The following NDUFAF6 variants were observed in gnomAD, a reference collection of about 807,000 sequenced individuals.
The protein encoded by NDUFAF6 is NADH dehydrogenase (ubiquinone) complex I, assembly factor 6.
A neutral mutation model predicts 40.8 loss-of-function variants in NDUFAF6; 45 were observed. The ratio of observed to expected loss-of-function variants is 1.10; its 90% CI spans 0.87 to 1.42. The LOEUF is 1.42. Among genes scored for constraint, NDUFAF6 ranks in the 40% most tolerant of loss-of-function variants. The pLI is 0.00. For missense variants in NDUFAF6, 435 were observed against 418.5 expected (o/e 1.04, Z -0.34); for synonymous variants, 185 against 155.9 (o/e 1.19, Z -1.39).
At chr8:94,947,180 T>C (rs940467194) in intron 2 of NDUFAF6, among the ~76,000 whole-genome samples, 1 of 152,012 alleles carries the variant, frequency 6.6e-6, no homozygotes, top group Non-Finnish European at 1.5e-5. Flanking sequence ...GTTTTCCCTA[T>C]ACATGCTCTT....
intron 2 of NDUFAF6, among the ~76,000 whole-genome samples, chr8:95,015,488 T>G (rs1030172903): frequency 5.3e-5 from 8 of 152,190 alleles, no homozygotes. Flanking sequence ...GAACAATACC[T>G]AATAGTCCTA....
upstream of NDUFAF6, among the ~76,000 whole-genome samples, chr8:95,099,006 C>T (rs1002991907): frequency 7.9e-5 from 12 of 151,764 alleles, no homozygotes; most frequent in Non-Finnish European, 1.6e-4. Flanking sequence ...TTTGGGAGGC[C>T]GAGGCAGGCA....
intron 2 of NDUFAF6, among the ~76,000 whole-genome samples, chr8:94,995,429 C>A (rs1360890022): frequency 6.6e-6 from 1 of 152,100 alleles, no homozygotes; most frequent in East Asian, 1.9e-4. Flanking sequence ...GAATTATACA[C>A]TTCAAAATGG....
At chr8:95,087,241 C>G (rs1298244937) in intron 2 of NDUFAF6, among the ~76,000 whole-genome samples, 2 of 152,308 alleles carry the variant, frequency 1.3e-5, no homozygotes, top group Middle Eastern at 3.4e-3. Context: ...CTTGCATCTT[C>G]CGTTTTCTCT....
chr8:94,950,296 A>G lies in NDUFAF6; in HGVS notation c.-799+4677A>G, dbSNP rs901041147. 22 of 152,274 alleles carry G rather than the reference A, an allele frequency of 1.4e-4. 1 individual carries two copies. The highest frequency in any genetic ancestry group is 2.4e-5 in the African/African-American group (1 of 41,472). 9.4% of individuals were successfully genotyped at this position (152,274 alleles called of 1,614,324 possible). The stretch of plus-strand genomic sequence containing the variant: ...ACAAGAGAGTGAGACAGTGGGCTTG[A>G]AAGTGTTTTCCAGACCAAGGCTCTG... On this transcript the variant is annotated intron_variant, in intron 2 of 14. Transcript: ENST00000396113.
chr8:95,061,746 A>G (rs1402983899), downstream of NDUFAF6, among the ~76,000 whole-genome samples: 1 of 152,202 alleles, frequency 6.6e-6, no homozygotes, highest in African/African-American at 2.4e-5. Flanking sequence ...TTCAGCAAAA[A>G]GGAATATTTG....
rs934327795 is a variant in NDUFAF6, at chr8:95,016,817, C to G, written c.-83-15178C>G. On this transcript the variant is annotated intron_variant, in intron 2 of 9. Coordinates refer to the NDUFAF6 transcript ENST00000396111. ...AATCAATCAGAGTCCCAACAGGAGA[C>G]AGAAGAAAATAATTTGGGGTGCTTT... Among the ~76,000 whole-genome samples the G allele has an allele frequency of 4.6e-5, 7 of 152,164 alleles. No homozygotes were observed. In the East Asian group the frequency reaches 1.4e-3, roughly 29 times the overall value.
chr8:95,096,407 G>T (rs1173518896), upstream of NDUFAF6, among the ~76,000 whole-genome samples: 4 of 152,232 alleles, frequency 2.6e-5, no homozygotes, highest in African/African-American at 9.6e-5. Context: ...GACTCCACAA[G>T]TCCAGATCTG....
chr8:95,026,058 A>C (rs1271090457), intron 1 of NDUFAF6, among the ~76,000 whole-genome samples: 1 of 152,074 alleles, frequency 6.6e-6, no homozygotes, highest in Non-Finnish European at 1.5e-5. Context: ...GAATGACTAA[A>C]CTACCTTGAA....
intron 1 of NDUFAF6, among the ~76,000 whole-genome samples, chr8:94,979,085 C>G (rs953663988): frequency 6.6e-6 from 1 of 152,232 alleles, no homozygotes; most frequent in Admixed American, 6.5e-5. Flanking sequence ...CCTGTTTAAG[C>G]TCCCAGGTGA....
chr8:94,924,154 G>A (rs909044667), intron 1 of NDUFAF6, among the ~76,000 whole-genome samples: 1 of 151,934 alleles, frequency 6.6e-6, no homozygotes, highest in African/African-American at 2.4e-5. Flanking sequence ...TCCGCCTCCC[G>A]GGTTCAAGCG....
chr8:95,054,267 G>A (rs1412182530), intron 8 of NDUFAF6, among the ~76,000 whole-genome samples: 1 of 150,340 alleles, frequency 6.7e-6, no homozygotes, highest in Non-Finnish European at 1.5e-5. Context: ...TTAATTGTGA[G>A]GTGTGGCTAG....
At chr8:94,954,304 G>A (rs932900636), upstream of NDUFAF6, among the ~76,000 whole-genome samples, 2 of 151,690 alleles carry the variant, frequency 1.3e-5, no homozygotes, top group African/African-American at 4.8e-5. Context: ...CTCATGATCC[G>A]CCCGCCTCAG....
chr8:94,933,268 T>C (rs1820607784), intron 1 of NDUFAF6, among the ~76,000 whole-genome samples: 1 of 152,182 alleles, frequency 6.6e-6, no homozygotes, highest in Admixed American at 6.5e-5. Context: ...TATGGAAAAG[T>C]ATGTATTTGT....
chr8:95,012,050 T>C (rs1444939826), intron 2 of NDUFAF6, among the ~76,000 whole-genome samples: 1 of 152,198 alleles, frequency 6.6e-6, no homozygotes, highest in Non-Finnish European at 1.5e-5. Context: ...GAGTTCCACA[T>C]ACTGACTCAT....
At chr8:95,076,915 T>C (rs961442211), downstream of NDUFAF6, among the ~76,000 whole-genome samples, 1 of 151,780 alleles carries the variant, frequency 6.6e-6, no homozygotes, top group Non-Finnish European at 1.5e-5. Context: ...GTTTTTGCCT[T>C]TGTTGAGGTC....
intron 2 of NDUFAF6, among the ~76,000 whole-genome samples, chr8:95,082,515 A>G (rs944106388): frequency 6.8e-6 from 1 of 146,174 alleles, no homozygotes; most frequent in Non-Finnish European, 1.5e-5. Context: ...TTCCAAACAG[A>G]TACCTAGAAT....
intron 1 of NDUFAF6, among the ~76,000 whole-genome samples, chr8:94,898,527 A>G (rs1157857875): frequency 6.6e-6 from 1 of 152,166 alleles, no homozygotes; most frequent in African/African-American, 2.4e-5. Context: ...ACATCATACT[A>G]AGAGTTCATA....
intron 1 of NDUFAF6, among the ~76,000 whole-genome samples, chr8:94,932,821 A>G (rs1250181253): frequency 6.6e-6 from 1 of 152,170 alleles, no homozygotes; most frequent in Admixed American, 6.5e-5. Flanking sequence ...AAAAAAAAGA[A>G]TTTCAAATCC....
Sources: gnomAD v4.1 joint callset for allele counts (sites outside exome capture counted in the v4.1 genomes callset) on GRCh38, gnomAD v4.1.1 for gene constraint, MANE v1.5 for transcripts, NCBI Gene and HGNC (gene_info 2026-07-23, HGNC 2026-07-21) for gene names.